The following RBFOX1 variants were observed in gnomAD, a reference collection of about 807,000 sequenced individuals.
RBFOX1 encodes RNA binding fox-1 homolog 1, also known as RNA binding protein fox-1 homolog 1.
RBFOX1 carries 8 observed loss-of-function variants against 57.7 expected under a neutral mutation model. That is an observed-to-expected ratio of 0.14 (90% CI 0.08 to 0.25). RBFOX1 has a LOEUF of 0.25. RBFOX1 is among the 10% of genes least tolerant of loss of function. The pLI is 1.00. For synonymous variants in RBFOX1, 326 were observed against 222.4 expected, an observed-to-expected ratio of 1.47 and a Z score of -4.15; for missense variants, 611 against 548.5, an observed-to-expected ratio of 1.11 and a Z score of -1.14.
chr16:7,457,970 T>C (rs1256360829), intron 4 of RBFOX1, among the ~76,000 whole-genome samples: 1 of 152,186 alleles, frequency 6.6e-6, no homozygotes, highest in African/African-American at 2.4e-5. Flanking sequence ...TGCTGTTTCC[T>C]GAAAGGCTAC....
chr16:7,141,411 G>A (rs769886597), intron 4 of RBFOX1, among the ~76,000 whole-genome samples: 7 of 152,186 alleles, frequency 4.6e-5, no homozygotes, highest in Non-Finnish European at 7.3e-5. Context: ...GCGGCAGCTA[G>A]AAGACCTTAT....
At chr16:7,490,573 C>T (rs781045667) in intron 4 of RBFOX1, among the ~76,000 whole-genome samples, 1 of 152,182 alleles carries the variant, frequency 6.6e-6, no homozygotes, top group East Asian at 1.9e-4. Flanking sequence ...AAAATAAATT[C>T]AACTGTGACT....
chr16:6,668,870 G>A (rs1161921636), intron 3 of RBFOX1, among the ~76,000 whole-genome samples: 1 of 152,106 alleles, frequency 6.6e-6, no homozygotes, highest in Non-Finnish European at 1.5e-5. Context: ...GAATTAAAAT[G>A]CATTTAGGAA....
chr16:7,146,401 C>T (rs560067158), intron 4 of RBFOX1, among the ~76,000 whole-genome samples: 3 of 152,332 alleles, frequency 2.0e-5, no homozygotes, highest in East Asian at 1.9e-4. Flanking sequence ...CTTTGCTGAA[C>T]CAGCTGAACC....
At position 7,498,008 on chromosome 16, in the gene RBFOX1, T is replaced by C. The variant is rs532247031; in HGVS notation, c.28-20139T>C. On this transcript the variant is annotated intron_variant, in intron 4 of 15. Transcript: ENST00000550418. ...AGCTTTTACCTCTCCTGTCCCCAAA[T>C]AGGTGCTTTAGACAGATTCTCTGAG... 1.4e-4 allele frequency among the ~76,000 whole-genome samples: 22 copies of C among 152,326 alleles called. No individual in the cohort carries two copies. The South Asian group carries it at 3.9e-3, about 27-fold the overall frequency.
At chr16:6,359,207 C>T (rs2087946265) in intron 2 of RBFOX1, among the ~76,000 whole-genome samples, 1 of 152,124 alleles carries the variant, frequency 6.6e-6, no homozygotes, top group Admixed American at 6.6e-5. Flanking sequence ...ATTCTCCTGC[C>T]TCTGCCTCCT....
At chr16:6,826,564 G>T (rs1028087795) in intron 3 of RBFOX1, among the ~76,000 whole-genome samples, 1 of 152,142 alleles carries the variant, frequency 6.6e-6, no homozygotes, top group Non-Finnish European at 1.5e-5. Flanking sequence ...TTGCGGGCAT[G>T]CGTGCTCTCA....
rs184256831 is a variant in RBFOX1, at chr16:6,061,439, T to A, written c.-127+41447T>A. ...ATAATGTTTTGTTATATATCTATAT[T>A]GTATATGTATAGTCATCATATATGT... On this transcript the variant is annotated intron_variant, in intron 1 of 15. Transcript: ENST00000550418. 8.0e-4 allele frequency among the ~76,000 whole-genome samples: 122 copies of A among 152,178 alleles called. 1 individual carries two copies. In the East Asian group the frequency reaches 0.021, roughly 27 times the overall value.
intron 3 of RBFOX1, among the ~76,000 whole-genome samples, chr16:6,656,023 T>G (rs376924961): frequency 6.6e-6 from 1 of 152,202 alleles, no homozygotes; most frequent in African/African-American, 2.4e-5. Flanking sequence ...GCTTGCAGTT[T>G]TGTGTTGCTC....
At chr16:7,545,960 A>C (rs2084358439) in intron 5 of RBFOX1, among the ~76,000 whole-genome samples, 1 of 151,794 alleles carries the variant, frequency 6.6e-6, no homozygotes, top group Admixed American at 6.6e-5. Flanking sequence ...AGAAATTGGA[A>C]AGTGTCGTAA....
At chr16:5,483,062 C>G (rs1332436914) in intron 2 of RBFOX1, among the ~76,000 whole-genome samples, 1 of 152,108 alleles carries the variant, frequency 6.6e-6, no homozygotes, top group Non-Finnish European at 1.5e-5. Flanking sequence ...GAGTTCTAAC[C>G]CCACAGAGTG....
intron 4 of RBFOX1, among the ~76,000 whole-genome samples, chr16:7,173,049 T>C (rs1378813509): frequency 3.9e-5 from 6 of 152,120 alleles, no homozygotes; most frequent in Admixed American, 6.6e-5. Flanking sequence ...AAATAAGATA[T>C]TAGTACCCAA....
chr16:7,046,395 T>C (rs1236918493), intron 3 of RBFOX1, among the ~76,000 whole-genome samples: 1 of 152,128 alleles, frequency 6.6e-6, no homozygotes, highest in Non-Finnish European at 1.5e-5. Flanking sequence ...ATTTTGCCTC[T>C]TTAGTTGGAA....
chr16:6,378,769 T>TG (rs754503230), intron 2 of RBFOX1, among the ~76,000 whole-genome samples: 1 of 152,174 alleles, frequency 6.6e-6, no homozygotes, highest in Non-Finnish European at 1.5e-5. Flanking sequence ...TTTATTTCCC[T>TG]CATTGCTATT....
chr16:5,950,908 C>G (rs1448319707), intron 4 of RBFOX1, among the ~76,000 whole-genome samples: 1 of 151,970 alleles, frequency 6.6e-6, no homozygotes. Flanking sequence ...GGCATCCAAC[C>G]CAGGCCAGAG....
intron 4 of RBFOX1, among the ~76,000 whole-genome samples, chr16:7,379,448 T>C (rs977546458): frequency 4.6e-5 from 7 of 152,192 alleles, no homozygotes; most frequent in Non-Finnish European, 1.0e-4. Flanking sequence ...AATGAATGAA[T>C]TGGAGCTTTA....
intron 1 of RBFOX1, among the ~76,000 whole-genome samples, chr16:6,043,207 GC>G (rs2095459410): frequency 6.9e-6 from 1 of 144,110 alleles, no homozygotes. Flanking sequence ...CGTAGGTTAA[GC>G]TTTCAGATAG....
At chr16:7,662,852 T>C (rs1293863114) in intron 12 of RBFOX1, among the ~76,000 whole-genome samples, 1 of 152,232 alleles carries the variant, frequency 6.6e-6, no homozygotes, top group African/African-American at 2.4e-5. Context: ...TTTTAACAGA[T>C]GAGTAAGTGA....
intron 4 of RBFOX1, among the ~76,000 whole-genome samples, chr16:7,405,452 G>A (rs1445928482): frequency 6.6e-6 from 1 of 152,194 alleles, no homozygotes; most frequent in Non-Finnish European, 1.5e-5. Context: ...GGCGAAGTGT[G>A]TTCCCAGCTG....
Sources: gnomAD v4.1 joint callset for allele counts (sites outside exome capture counted in the v4.1 genomes callset) on GRCh38, gnomAD v4.1.1 for gene constraint, MANE v1.5 for transcripts, NCBI Gene and HGNC (gene_info 2026-07-23, HGNC 2026-07-21) for gene names.